ARMC2: variants seen among roughly 807,000 people sequenced by gnomAD.
ARMC2 encodes armadillo repeat containing 2.
ARMC2 carries 67 observed loss-of-function variants against 90.3 expected under a neutral mutation model. The ratio of observed to expected loss-of-function variants is 0.74; its 90% CI spans 0.61 to 0.91. The LOEUF (loss-of-function observed/expected upper bound fraction) is 0.91. Ranked by LOEUF, ARMC2 falls within the 40% of genes least tolerant of loss-of-function variation. The probability of loss-of-function intolerance (pLI) is 0.00; values close to 1 mark genes in which losing one functional copy is unlikely to be tolerated. For synonymous variants in ARMC2, 393 were observed against 393.0 expected (o/e 1.00, Z 0.00); for missense variants, 920 against 1,030.9 (o/e 0.89, Z 1.47).
chr6:108,869,306 G>A (rs922314923), intron 4 of ARMC2, among the ~76,000 whole-genome samples: 4 of 152,268 alleles, frequency 2.6e-5, no homozygotes, highest in East Asian at 1.9e-4. Context: ...TGAGGAGTTC[G>A]AGACCAGCCT....
chr6:108,866,261 A>G (rs1024080194), intron 3 of ARMC2, among the ~76,000 whole-genome samples: 3 of 152,198 alleles, frequency 2.0e-5, no homozygotes, highest in African/African-American at 7.2e-5. Context: ...TTCCTGTATT[A>G]CAGTCTTAGC....
chr6:108,934,925 C>T (rs956393193), intron 11 of ARMC2, among the ~76,000 whole-genome samples: 2 of 152,100 alleles, frequency 1.3e-5, no homozygotes, highest in African/African-American at 4.8e-5. Flanking sequence ...TTTCCAAATA[C>T]GAATTCCTTT....
At chr6:108,993,053 G>T in the ARMC2 span, 74 of 571,738 alleles carry the variant, frequency 1.3e-4, 1 homozygote, top group South Asian at 1.3e-3. Context: ...TAGTTTACTT[G>T]CTAGTAAACA....
chr6:109,021,372 T>G, the ARMC2 span, among the ~76,000 whole-genome samples: 1 of 152,172 alleles, frequency 6.6e-6, no homozygotes, highest in African/African-American at 2.4e-5. Context: ...CCCCAATATT[T>G]CATTGTTTTC....
chr6:108,942,305 G>A (rs1418217876), intron 12 of ARMC2, among the ~76,000 whole-genome samples: 1 of 152,180 alleles, frequency 6.6e-6, no homozygotes, highest in African/African-American at 2.4e-5. Context: ...TAGTTTGGAG[G>A]AAGAAATAAT....
intron 5 of ARMC2, among the ~76,000 whole-genome samples, chr6:108,888,792 C>CG (rs908847441): frequency 6.6e-6 from 1 of 152,172 alleles, no homozygotes; most frequent in Non-Finnish European, 1.5e-5. Context: ...CCTTGACTTA[C>CG]GGAACCTCTT....
intron 12 of ARMC2, among the ~76,000 whole-genome samples, chr6:108,938,019 A>C (rs1289272730): frequency 6.6e-6 from 1 of 152,286 alleles, no homozygotes; most frequent in East Asian, 1.9e-4. Context: ...AATTTTTATT[A>C]TAAGTTTTTA....
At chr6:109,034,941 G>A in the ARMC2 span, among the ~76,000 whole-genome samples, 4 of 152,076 alleles carry the variant, frequency 2.6e-5, no homozygotes, top group Non-Finnish European at 5.9e-5. Flanking sequence ...TTTATATCAG[G>A]GTTTCTGTCA....
chr6:108,879,535 C>T (rs1019216003), intron 5 of ARMC2, among the ~76,000 whole-genome samples: 2 of 143,932 alleles, frequency 1.4e-5, no homozygotes, highest in Non-Finnish European at 3.1e-5. Flanking sequence ...TCTATCCATC[C>T]ACCCACCCAC....
At chr6:108,944,011 T>C (rs1311560462) in intron 12 of ARMC2, among the ~76,000 whole-genome samples, 1 of 152,226 alleles carries the variant, frequency 6.6e-6, no homozygotes, top group African/African-American at 2.4e-5. Flanking sequence ...AAGAGACTTC[T>C]CAAGTGACTC....
the ARMC2 span, among the ~76,000 whole-genome samples, chr6:108,981,750 C>G: frequency 6.6e-6 from 1 of 152,028 alleles, no homozygotes; most frequent in Non-Finnish European, 1.5e-5. Flanking sequence ...TCACTGCAAC[C>G]TCCGCTTCCC....
At chr6:109,012,374 C>T in the ARMC2 span, among the ~76,000 whole-genome samples, 1 of 151,286 alleles carries the variant, frequency 6.6e-6, no homozygotes, top group African/African-American at 2.4e-5. Context: ...TATTTCCTTT[C>T]TTTTAAAAAG....
the ARMC2 span, among the ~76,000 whole-genome samples, chr6:108,989,580 T>TAGAGAGAG: frequency 6.6e-6 from 1 of 151,090 alleles, no homozygotes; most frequent in Non-Finnish European, 1.5e-5. Context: ...GAGATATCTA[T>TAGAGAGAG]ATATAGAGAG....
chr6:109,042,142 A>C, the ARMC2 span, among the ~76,000 whole-genome samples: 2 of 152,128 alleles, frequency 1.3e-5, no homozygotes, highest in Non-Finnish European at 2.9e-5. Context: ...AGATTTAAAA[A>C]ATATATTGAA....
At chr6:108,918,482 A>ATT (rs67505412) in intron 10 of ARMC2, among the ~76,000 whole-genome samples, 18,448 of 146,622 alleles carry the variant, frequency 0.13, 1,511 homozygotes, top group Non-Finnish European at 0.19. Context: ...GATATACTTG[A>ATT]TTTTTTTTTT....
the ARMC2 span, among the ~76,000 whole-genome samples, chr6:108,983,828 G>A: frequency 6.6e-6 from 1 of 152,198 alleles, no homozygotes; most frequent in Admixed American, 6.5e-5. Flanking sequence ...AGGTCACTCT[G>A]GGTGACCATG....
At chr6:108,952,386 C>T (rs531200042) in intron 12 of ARMC2, among the ~76,000 whole-genome samples, 3 of 152,230 alleles carry the variant, frequency 2.0e-5, no homozygotes, top group Non-Finnish European at 2.9e-5. Context: ...AGGTGTCACT[C>T]ATGTAACCAC....
rs760287731 is a variant in ARMC2 at position 108,973,385 on chromosome 6, T to C, written c.2475T>C (p.Phe825=). The C allele has an allele frequency of 1.3e-5, 21 of 1,613,542 alleles. No individual in the cohort carries two copies. Among genetic ancestry groups the C allele is most frequent in the Non-Finnish European group, 1.7e-5 (20 of 1,179,670 alleles). Residue 825 remains phenylalanine, a synonymous_variant, in exon 18 of 18, where the codon TTT becomes TTC. Coordinates refer to ENST00000392644, the MANE Select transcript of ARMC2 (RefSeq NM_032131.6). ...LDEELALDGS[F]DPDLKNYHKL... is the part of the protein sequence containing the mutation. ...AAGAACTAGCACTGGATGGCAGTTT[T>C]GATCCAGACCTAAAAAACTATCACA...
chr6:108,895,481 T>TG (rs1583039840), intron 6 of ARMC2, among the ~76,000 whole-genome samples: 1 of 26,190 alleles, frequency 3.8e-5, no homozygotes, highest in Non-Finnish European at 7.2e-5. Context: ...GAGACTCATC[T>TG]CAAAAAAAAA....
Sources: gnomAD v4.1 joint callset for allele counts (sites outside exome capture counted in the v4.1 genomes callset) on GRCh38, gnomAD v4.1.1 for gene constraint, MANE v1.5 for transcripts, NCBI Gene and HGNC (gene_info 2026-07-23, HGNC 2026-07-21) for gene names.